The following MYO3A variants were observed in gnomAD, a reference collection of about 807,000 sequenced individuals.
MYO3A encodes myosin IIIA.
In MYO3A, 180 loss-of-function variants were observed where a neutral mutation model predicts 192.7. The observed-to-expected ratio is 0.93, with a 90% confidence interval of 0.83 to 1.06. The LOEUF is 1.06. Among genes scored for constraint, MYO3A ranks in the 50% least tolerant of loss-of-function variants. MYO3A has a pLI of 0.00. For missense variants in MYO3A, 1,896 were observed against 1,905.0 expected (o/e 1.00, Z 0.09); for synonymous variants, 628 against 645.3 (o/e 0.97, Z 0.41).
At chr10:25,976,964 A>C (rs10828919) in intron 4 of MYO3A, among the ~76,000 whole-genome samples, 14,515 of 152,142 alleles carry the variant, frequency 0.095, 1,228 homozygotes, top group African/African-American at 0.22. Context: ...AAGATATTTT[A>C]ATTCTTCATA....
At chr10:25,976,550 G>C (rs1391544894) in intron 4 of MYO3A, among the ~76,000 whole-genome samples, 2 of 152,036 alleles carry the variant, frequency 1.3e-5, no homozygotes, top group Non-Finnish European at 2.9e-5. Flanking sequence ...CTTAACAAAG[G>C]CTGTCTTTGG....
intron 26 of MYO3A, 97 bp downstream of exon 26, chr10:26,157,612 C>T (rs1589051398): frequency 1.5e-6 from 2 of 1,312,246 alleles, no homozygotes; most frequent in East Asian, 4.9e-5. Context: ...CTTTAGAGGT[C>T]TAGGAGGGAG....
At chr10:25,951,105 T>C (rs1015928543) in intron 2 of MYO3A, among the ~76,000 whole-genome samples, 2 of 152,160 alleles carry the variant, frequency 1.3e-5, no homozygotes, top group Non-Finnish European at 2.9e-5. Context: ...ATTTCAGCAG[T>C]GTGCCAGGTA....
At chr10:26,025,646 G>A (rs553752449) in intron 9 of MYO3A, among the ~76,000 whole-genome samples, 57 of 152,240 alleles carry the variant, frequency 3.7e-4, no homozygotes, top group African/African-American at 1.1e-3. Flanking sequence ...TGTGACCACT[G>A]AAAACTACTT....
At chr10:26,153,263 C>T (rs1589044837) in intron 23 of MYO3A, among the ~76,000 whole-genome samples, 1 of 152,082 alleles carries the variant, frequency 6.6e-6, no homozygotes, top group African/African-American at 2.4e-5. Flanking sequence ...AGTAAATGAC[C>T]CAAAGGCAAC....
intron 4 of MYO3A, among the ~76,000 whole-genome samples, chr10:25,991,539 TG>T (rs1407016556): frequency 1.3e-5 from 2 of 152,066 alleles, no homozygotes; most frequent in African/African-American, 4.8e-5. Context: ...TTGTCAATTT[TG>T]GCTTTTGTTG....
chr10:26,145,868 AAAAG>A (rs1196803905), intron 22 of MYO3A, among the ~76,000 whole-genome samples: 1 of 152,282 alleles, frequency 6.6e-6, no homozygotes, highest in Non-Finnish European at 1.5e-5. Flanking sequence ...AGAAAAAACA[AAAAG>A]AAAAGACACA....
At chr10:26,186,089 C>T (rs1266356132) in intron 31 of MYO3A, among the ~76,000 whole-genome samples, 1 of 151,972 alleles carries the variant, frequency 6.6e-6, no homozygotes, top group Non-Finnish European at 1.5e-5. Flanking sequence ...TGAAAATGTA[C>T]TTGTGTACTG....
At chr10:26,176,293 CAAA>C (rs901523063) in intron 30 of MYO3A, among the ~76,000 whole-genome samples, 6 of 93,388 alleles carry the variant, frequency 6.4e-5, no homozygotes, top group African/African-American at 4.0e-5. Flanking sequence ...GACTCCGTCT[CAAA>C]AAAAAAAAAA....
rs201584106 is a variant in MYO3A at position 26,120,702 on chromosome 10, C to T, written c.1803C>T (p.Leu601=). 65 of 1,613,892 alleles carry T rather than the reference C, an allele frequency of 4.0e-5. No homozygotes were observed. The highest frequency in any genetic ancestry group is 4.0e-4 in the East Asian group (18 of 44,864). Residue 601 remains leucine (L), a synonymous_variant, in exon 18 of 35, where the codon CTC becomes CTT. Coordinates refer to ENST00000642920, the MANE Select transcript of MYO3A (RefSeq NM_017433.5). ...MEQLGSIYSI[L]AAILNVGNIE... ...AACTTGGTAGTATATACAGCATACT[C>T]GCTGCAATCTTGAATGTTGGCAACA...
intron 18 of MYO3A, among the ~76,000 whole-genome samples, chr10:26,122,744 C>G (rs1372373531): frequency 6.6e-6 from 1 of 152,068 alleles, no homozygotes. Context: ...CTCCTTTTCT[C>G]TTCCTGCTTA....
At chr10:26,021,917 C>G (rs1842328623) in intron 8 of MYO3A, 1 of 449,934 alleles carries the variant, frequency 2.2e-6, no homozygotes, top group Non-Finnish European at 4.1e-6. Flanking sequence ...GCAGTTCCTC[C>G]CACCCTTTAT....
chr10:26,136,090 G>A (rs1839832029), intron 20 of MYO3A, among the ~76,000 whole-genome samples: 1 of 151,918 alleles, frequency 6.6e-6, no homozygotes. Context: ...TGGAATTTGA[G>A]TATATCACAT....
At chr10:26,122,497 A>T (rs937125629) in intron 18 of MYO3A, among the ~76,000 whole-genome samples, 17 of 152,306 alleles carry the variant, frequency 1.1e-4, no homozygotes, top group African/African-American at 4.1e-4. Flanking sequence ...AATATCTCTC[A>T]AATCTGACCA....
chr10:26,202,819 C>A, intron 33 of MYO3A, 145 bp from the exon 34 acceptor site: 1 of 906,640 alleles, frequency 1.1e-6, no homozygotes, highest in South Asian at 1.7e-5. Flanking sequence ...GTTTTTCCCA[C>A]ATTTCAAGAC....
chr10:26,179,797 A>G (rs1026838007), intron 31 of MYO3A, among the ~76,000 whole-genome samples: 6 of 152,218 alleles, frequency 3.9e-5, no homozygotes, highest in African/African-American at 1.4e-4. Flanking sequence ...AAAGTCTAAC[A>G]ATAACATTTT....
intron 4 of MYO3A, among the ~76,000 whole-genome samples, chr10:25,973,962 A>G (rs1838817360): frequency 6.6e-6 from 1 of 152,218 alleles, no homozygotes; most frequent in Admixed American, 6.5e-5. Context: ...AAAGACTTAA[A>G]TGTAAAACCA....
intron 10 of MYO3A, among the ~76,000 whole-genome samples, chr10:26,048,008 T>G (rs1008436476): frequency 6.6e-6 from 1 of 152,228 alleles, no homozygotes; most frequent in Admixed American, 6.5e-5. Flanking sequence ...TCAAAGGCCT[T>G]AGTAATAAAT....
At chr10:25,974,988 G>T (rs1417274858) in intron 4 of MYO3A, among the ~76,000 whole-genome samples, 2 of 152,204 alleles carry the variant, frequency 1.3e-5, no homozygotes, top group Admixed American at 1.3e-4. Context: ...CTAGCCATCT[G>T]TAGGCTGGGA....
Sources: allele counts gnomAD v4.1 joint callset (sites outside exome capture counted in the v4.1 genomes callset), GRCh38; gene constraint gnomAD v4.1.1; transcripts MANE v1.5; gene names NCBI Gene and HGNC (gene_info 2026-07-23, HGNC 2026-07-21).